DDX47: variants seen among roughly 807,000 people sequenced by gnomAD.
The protein encoded by DDX47 is DEAD-box helicase 47, also known as probable ATP-dependent RNA helicase DDX47.
In DDX47, 60 loss-of-function variants were observed where a neutral mutation model predicts 58.8. That is an observed-to-expected ratio of 1.02 (90% confidence interval 0.83 to 1.26). The LOEUF (loss-of-function observed/expected upper bound fraction) is 1.26, where lower values mean the gene tolerates loss of function less well. DDX47 is among the 50% of genes most tolerant of loss of function. DDX47 has a pLI of 0.00. For synonymous variants in DDX47, 197 were observed against 204.6 expected, an observed-to-expected ratio of 0.96 and a Z score of 0.32; for missense variants, 530 against 573.2, an observed-to-expected ratio of 0.92 and a Z score of 0.77.
intron 10 of DDX47, 127 bp from the exon 11 acceptor site, chr12:12,827,119 G>A (rs969283897): frequency 8.2e-7 from 1 of 1,226,400 alleles, no homozygotes; most frequent in Non-Finnish European, 1.1e-6. Flanking sequence ...ATTTAGAAAA[G>A]AAATAATATG....
At chr12:12,817,133 T>C (rs1862908381) in intron 2 of DDX47, among the ~76,000 whole-genome samples, 1 of 152,234 alleles carries the variant, frequency 6.6e-6, no homozygotes, top group African/African-American at 2.4e-5. Flanking sequence ...GCTGTTGTTA[T>C]TCGGTGAAAA....
intron 10 of DDX47, chr12:12,826,313 G>C: frequency 3.1e-6 from 1 of 319,790 alleles, no homozygotes; most frequent in Non-Finnish European, 5.7e-6. Context: ...TAGAGCTGGA[G>C]AGCAATTGCC....
chr12:12,814,194 C>G lies in DDX47; in HGVS notation c.151C>G (p.Gln51Glu), dbSNP rs1458611511. The change falls in exon 2 of 12, where the codon CAG (glutamine) becomes GAG (glutamate). Residue 51 changes from glutamine (Q) to glutamate (E), a missense_variant. Gln to Glu is a conservative substitution (Grantham distance 29, BLOSUM62 2). Coordinates refer to ENST00000358007, the MANE Select transcript of DDX47 (RefSeq NM_016355.4). Reference protein sequence around the residue: ...QLGWTKPTKIQIEAIPLALQG... With the variant: ...QLGWTKPTKIEIEAIPLALQG... ...GGGATGGACAAAACCCACCAAGATC[C>G]AGATTGAAGCTATTCCTTTGGCCTT... The G allele has an allele frequency of 6.2e-7, 1 of 1,612,520 alleles. No homozygotes were observed. The highest frequency in any genetic ancestry group is 1.7e-5 in the Admixed American group (1 of 60,018).
rs1863003140 is a variant in DDX47, at chr12:12,823,415, G to A, written c.750+96G>A. The A allele has an allele frequency of 3.8e-6, 3 of 784,790 alleles. No individual in the cohort carries two copies. The Admixed American group carries it at 5.7e-5, about 15-fold the overall frequency. The allele number at this position is 784,790 out of a possible 1,614,324, so 48.6% of individuals were successfully genotyped here. A position where few individuals can be genotyped will look rare whatever the true frequency, so the allele number is the denominator to read the frequency against. ...CTCTTGATTAGGTAAGAGCTGTAAT[G>A]CAGATTGGCATCCTGTCTGTTTGCT... On this transcript the variant is annotated intron_variant, in intron 7 of 11. Transcript: ENST00000358007.
At chr12:12,821,507 G>A (rs1862972635) in intron 3 of DDX47, 111 bp downstream of exon 3, 2 of 1,445,502 alleles carry the variant, frequency 1.4e-6, no homozygotes, top group Non-Finnish European at 1.9e-6. Flanking sequence ...GACCTAAAGA[G>A]CTAATGTTGT....
chr12:12,827,765 T>C (rs1326426713), intron 11 of DDX47, among the ~76,000 whole-genome samples: 1 of 152,198 alleles, frequency 6.6e-6, no homozygotes, highest in East Asian at 1.9e-4. Context: ...CTTATGGGGT[T>C]TTATGAGCAC....
At chr12:12,828,543 C>T (rs879161458) in intron 11 of DDX47, among the ~76,000 whole-genome samples, 1 of 152,130 alleles carries the variant, frequency 6.6e-6, no homozygotes, top group Non-Finnish European at 1.5e-5. Flanking sequence ...AGAGGAAAAC[C>T]ATTGGAAGTG....
At chr12:12,816,886 G>C (rs1414580492) in intron 2 of DDX47, among the ~76,000 whole-genome samples, 1 of 152,278 alleles carries the variant, frequency 6.6e-6, no homozygotes, top group East Asian at 1.9e-4. Context: ...AGGTGAGAAG[G>C]AGTCAAAATA....
At chr12:12,814,533 C>T in intron 2 of DDX47, 1 of 289,186 alleles carries the variant, frequency 3.5e-6, no homozygotes, top group Non-Finnish European at 6.7e-6. Context: ...GGGAAGGATG[C>T]CTGGAACACA....
chr12:12,820,717 T>G (rs1862956610), intron 2 of DDX47: 1 of 162,874 alleles, frequency 6.1e-6, no homozygotes, highest in South Asian at 1.7e-4. Context: ...GTCAGACTGG[T>G]CTCGAACTCC....
At chr12:12,826,408 C>G (rs1863051757) in intron 10 of DDX47, 1 of 161,188 alleles carries the variant, frequency 6.2e-6, no homozygotes, top group Admixed American at 6.5e-5. Flanking sequence ...CAAGGCTGTT[C>G]TGTGAATAAA....
At chr12:12,819,533 T>C (rs995956437) in intron 2 of DDX47, among the ~76,000 whole-genome samples, 22 of 152,260 alleles carry the variant, frequency 1.4e-4, no homozygotes, top group African/African-American at 5.3e-4. Context: ...TAACCCCCAC[T>C]TTTTTCCTGA....
At position 12,821,646 on chromosome 12, in the gene DDX47, T is replaced by C. The variant is rs747112674; in HGVS notation, c.371-9T>C. The C allele has an allele frequency of 1.2e-6, 2 of 1,613,408 alleles. No individual in the cohort carries two copies. Among genetic ancestry groups the C allele is most frequent in the Admixed American group, 1.7e-5 (1 of 59,852 alleles). On this transcript the variant is annotated splice_polypyrimidine_tract_variant and intron_variant, in intron 3 of 11. Transcript: ENST00000358007. ...GGATCTCGTCTCTATGTTCTTTTTT[T>C]CTCTGTAGCTGTGATTGTAGGTGGA...
At chr12:12,821,784 A>G in intron 4 of DDX47, 58 bp downstream of exon 4, 1 of 1,387,742 alleles carries the variant, frequency 7.2e-7, no homozygotes, top group South Asian at 1.2e-5. Flanking sequence ...AAAATCTACC[A>G]GTGTTGGATA....
At chr12:12,823,090 CAT>C (rs1378199095) in intron 6 of DDX47, 111 bp from the exon 7 acceptor site, 37 of 755,234 alleles carry the variant, frequency 4.9e-5, no homozygotes, top group Non-Finnish European at 7.9e-5. Context: ...CCTCCCGTGA[CAT>C]GTGGGGATTA....
At chr12:12,827,497 C>T (rs571678902) in intron 11 of DDX47, 122 bp downstream of exon 11, 34 of 1,174,374 alleles carry the variant, frequency 2.9e-5, no homozygotes, top group African/African-American at 1.7e-4. Context: ...AAATTTAAGA[C>T]GAGCAAACTA....
intron 2 of DDX47, chr12:12,814,499 T>C (rs1862867023): frequency 2.7e-6 from 1 of 364,650 alleles, no homozygotes. Context: ...TGGTAGACTT[T>C]ATGCATCAGT....
chr12:12,813,767 A>C (rs1042370715), intron 1 of DDX47, among the ~76,000 whole-genome samples: 2 of 152,224 alleles, frequency 1.3e-5, no homozygotes, highest in African/African-American at 2.4e-5. Context: ...GAGTCAGATG[A>C]ACCAACCAGA....
intron 11 of DDX47, 127 bp from the exon 12 acceptor site, chr12:12,829,296 G>A: frequency 1.9e-6 from 2 of 1,025,698 alleles, no homozygotes; most frequent in South Asian, 4.0e-5. Flanking sequence ...GTTGGGTCTT[G>A]TTCCTTTGCT....
Sources: allele counts gnomAD v4.1 joint callset (sites outside exome capture counted in the v4.1 genomes callset), GRCh38; gene constraint gnomAD v4.1.1; transcripts MANE v1.5; gene names NCBI Gene and HGNC (gene_info 2026-07-23, HGNC 2026-07-21).